SLC7A11: variants seen among roughly 807,000 people sequenced by gnomAD.
The protein encoded by SLC7A11 is cystine/glutamate transporter.
In SLC7A11, 35 loss-of-function variants were observed where a neutral mutation model predicts 54.5. The ratio of observed to expected loss-of-function variants is 0.64; its 90% CI spans 0.49 to 0.85. SLC7A11 has a LOEUF of 0.85. Ranked by LOEUF, SLC7A11 falls within the 40% of genes least tolerant of loss-of-function variation. The pLI is 0.00. For missense variants in SLC7A11, 583 were observed against 618.1 expected (o/e 0.94, Z 0.60); for synonymous variants, 230 against 225.2 (o/e 1.02, Z -0.19).
intron 6 of SLC7A11, among the ~76,000 whole-genome samples, chr4:138,201,901 A>C (rs1737294546): frequency 6.6e-6 from 1 of 152,166 alleles, no homozygotes; most frequent in South Asian, 2.1e-4. Flanking sequence ...GACTTTTGAA[A>C]GTCATGACAA....
rs899730226 is a variant in SLC7A11, at chr4:138,169,876, A to G, written c.*2080T>C. 6.6e-6 allele frequency: 1 copy of G among 152,052 alleles called. No homozygotes were observed. The highest frequency in any genetic ancestry group is 2.1e-4 in the South Asian group (1 of 4,822). 9.4% of individuals were successfully genotyped at this position (152,052 alleles called of 1,614,324 possible). A position where few individuals can be genotyped will look rare whatever the true frequency, so the allele number is the denominator to read the frequency against. ...CTAAGGAAGGAAGGAGTTATTATAAATTCACTCAGAGACCCAAACGTTAGG... is the reference window on the plus strand; with the variant it reads ...CTAAGGAAGGAAGGAGTTATTATAAGTTCACTCAGAGACCCAAACGTTAGG... On this transcript the variant is annotated 3_prime_UTR_variant, in exon 12 of 12. Transcript: ENST00000280612.
intron 6 of SLC7A11, among the ~76,000 whole-genome samples, chr4:138,192,872 A>G (rs1230517497): frequency 6.6e-6 from 1 of 152,174 alleles, no homozygotes; most frequent in Non-Finnish European, 1.5e-5. Context: ...CCAACAAAGA[A>G]CAAAGTACAA....
intron 1 of SLC7A11, among the ~76,000 whole-genome samples, chr4:138,237,461 G>A (rs1437466472): frequency 2.0e-5 from 3 of 148,386 alleles, no homozygotes; most frequent in Admixed American, 6.8e-5. Context: ...GTGCAATGGC[G>A]CTGTCAGCTC....
In SLC7A11 at chr4:138,171,775, TAG is replaced by T. The variant is rs1200344325; in HGVS notation, c.*179_*180del. On this transcript the variant is annotated 3_prime_UTR_variant, in exon 12 of 12. Coordinates refer to ENST00000280612, the MANE Select transcript of SLC7A11 (RefSeq NM_014331.4). The stretch of plus-strand genomic sequence containing the variant: ...TGCATATTCACTTTCTATAACTACA[TAG>T]AGTTATAACTAAATTTCTTAGAAAT... 5 of 710,782 alleles carry T rather than the reference TAG, an allele frequency of 7.0e-6. No homozygotes were observed. Among genetic ancestry groups the T allele is most frequent in the South Asian group, 2.2e-5 (1 of 45,086 alleles). The allele number at this position is 710,782 out of a possible 1,614,324, so 44.0% of individuals were successfully genotyped here. A position where few individuals can be genotyped will look rare whatever the true frequency, so the allele number is the denominator to read the frequency against.
chr4:138,223,487 T>A (rs888181310), intron 3 of SLC7A11, among the ~76,000 whole-genome samples, 163 bp from the exon 4 acceptor site: 8 of 152,148 alleles, frequency 5.3e-5, no homozygotes, highest in Non-Finnish European at 8.8e-5. Flanking sequence ...GCCTAATGAA[T>A]ACAAATCTAC....
intron 6 of SLC7A11, among the ~76,000 whole-genome samples, chr4:138,201,507 C>T (rs1379575255): frequency 6.6e-6 from 1 of 152,086 alleles, no homozygotes; most frequent in Non-Finnish European, 1.5e-5. Context: ...ATTGTATGTT[C>T]TTGAAAAACA....
In SLC7A11 at chr4:138,185,150, C is replaced by G; in HGVS notation, c.886G>C (p.Glu296Gln). 1 of 1,612,962 alleles carries G rather than the reference C, an allele frequency of 6.2e-7. No homozygotes were observed. Among genetic ancestry groups the G allele is most frequent in the Non-Finnish European group, 8.5e-7 (1 of 1,179,230 alleles). Residue 296 changes from glutamate to glutamine, a missense_variant, in exon 7 of 12, where the codon GAG becomes CAG. Transcript: ENST00000280612. ...VAYFTTINAE[E>Q]LLLSNAVAVT... ...GCCACTGCATTTGAAAGCAGCAGCTCCTCAGCATTAATGGTCGTAAAGTAG... is the reference window on the plus strand; with the variant it reads ...GCCACTGCATTTGAAAGCAGCAGCTGCTCAGCATTAATGGTCGTAAAGTAG...
chr4:138,195,226 G>T (rs926367652), intron 6 of SLC7A11, among the ~76,000 whole-genome samples: 3 of 152,116 alleles, frequency 2.0e-5, no homozygotes, highest in African/African-American at 7.2e-5. Context: ...ACCTCTGGAC[G>T]GTCACATACA....
Position 138,168,174 on chromosome 4 carries a change from A to G in SLC7A11, c.*3782T>C, listed in dbSNP as rs541857126. The G allele has an allele frequency of 7.9e-4, 120 of 152,308 alleles. No individual in the cohort carries two copies. The highest frequency in any genetic ancestry group is 2.8e-3 in the African/African-American group (118 of 41,566). The allele number at this position is 152,308 out of a possible 1,614,324, so 9.4% of individuals were successfully genotyped here. On this transcript the variant is annotated 3_prime_UTR_variant, in exon 12 of 12. Transcript: ENST00000280612. Reference sequence around the variant, plus strand: ...GTCTTCTTCAACAAAATTAGTACAGAATTCCTAATACAAAGTTAGGTTCAG... The same window carrying G: ...GTCTTCTTCAACAAAATTAGTACAGGATTCCTAATACAAAGTTAGGTTCAG...
intron 1 of SLC7A11, among the ~76,000 whole-genome samples, chr4:138,240,294 C>T (rs1364280287): frequency 6.6e-6 from 1 of 151,984 alleles, no homozygotes; most frequent in Non-Finnish European, 1.5e-5. Flanking sequence ...GGACCGGGCG[C>T]GGTGGCTCAT....
chr4:138,216,939 G>A (rs1286695864), intron 5 of SLC7A11, among the ~76,000 whole-genome samples: 5 of 152,244 alleles, frequency 3.3e-5, no homozygotes, highest in Middle Eastern at 3.4e-3. Flanking sequence ...TCAGAAAGGC[G>A]AGATCACATT....
chr4:138,230,209 G>A (rs1445882478), intron 3 of SLC7A11, among the ~76,000 whole-genome samples: 2 of 152,034 alleles, frequency 1.3e-5, no homozygotes, highest in African/African-American at 4.8e-5. Flanking sequence ...GGAGCTAAAT[G>A]ATGACAACTC....
At chr4:138,236,199 C>T in intron 2 of SLC7A11, 126 bp downstream of exon 2, 1 of 721,252 alleles carries the variant, frequency 1.4e-6, no homozygotes, top group Non-Finnish European at 2.2e-6. Context: ...GCTTTATATC[C>T]TGAGGTAGAC....
chr4:138,232,227 GT>G, intron 3 of SLC7A11, 39 bp downstream of exon 3: 1 of 1,286,928 alleles, frequency 7.8e-7, no homozygotes, highest in Non-Finnish European at 1.1e-6. Flanking sequence ...TCATTTTTGT[GT>G]TGTTTTTCCT....
intron 1 of SLC7A11, among the ~76,000 whole-genome samples, chr4:138,237,722 T>C (rs1363945605): frequency 9.7e-5 from 1 of 10,340 alleles, no homozygotes; most frequent in African/African-American, 3.2e-4. Flanking sequence ...TATATATATA[T>C]ATATATATAT....
intron 5 of SLC7A11, among the ~76,000 whole-genome samples, chr4:138,216,393 A>C (rs991166354): frequency 6.6e-6 from 1 of 152,180 alleles, no homozygotes; most frequent in Non-Finnish European, 1.5e-5. Flanking sequence ...ATTGAAAAAA[A>C]AGAAAACCCT....
chr4:138,183,752 C>A (rs79589863), intron 7 of SLC7A11, among the ~76,000 whole-genome samples: 1 of 152,000 alleles, frequency 6.6e-6, no homozygotes, highest in East Asian at 1.9e-4. Flanking sequence ...ATGCCAATCC[C>A]ATTCTTAGGA....
At chr4:138,227,347 T>G (rs2148449362) in intron 3 of SLC7A11, among the ~76,000 whole-genome samples, 1 of 152,312 alleles carries the variant, frequency 6.6e-6, no homozygotes, top group African/African-American at 2.4e-5. Flanking sequence ...AGAATTCATC[T>G]CCTGGATGCA....
chr4:138,241,711 C>G, intron 1 of SLC7A11, 82 bp downstream of exon 1: 1 of 1,206,282 alleles, frequency 8.3e-7, no homozygotes, highest in East Asian at 2.4e-5. Context: ...ATTCACTCCT[C>G]AAAAACTACC....
Sources: allele counts gnomAD v4.1 joint callset (sites outside exome capture counted in the v4.1 genomes callset), GRCh38; gene constraint gnomAD v4.1.1; transcripts MANE v1.5; gene names NCBI Gene and HGNC (gene_info 2026-07-23, HGNC 2026-07-21).